Variants in USH2A observed in about 807,000 individuals in gnomAD.
The protein encoded by USH2A is Usher syndrome 2A (autosomal recessive, mild).
In USH2A, 443 loss-of-function variants were observed where a neutral mutation model predicts 538.9. The ratio of observed to expected loss-of-function variants is 0.82; its 90% CI spans 0.76 to 0.89. The LOEUF is 0.89. Ranked by LOEUF, USH2A falls within the 40% of genes least tolerant of loss-of-function variation. USH2A has a pLI of 0.00. For missense variants in USH2A, 6,633 were observed against 6,324.8 expected (o/e 1.05, Z -1.65); for synonymous variants, 2,413 against 2,273.5 (o/e 1.06, Z -1.75).
intron 37 of USH2A, among the ~76,000 whole-genome samples, chr1:215,957,387 T>G (rs561643450): frequency 6.6e-6 from 1 of 152,280 alleles, no homozygotes; most frequent in East Asian, 1.9e-4. Context: ...CTAAAATAAA[T>G]TGTGTGGTTA....
intron 46 of USH2A, among the ~76,000 whole-genome samples, chr1:215,843,278 T>C (rs1041624037): frequency 1.3e-5 from 2 of 152,322 alleles, no homozygotes; most frequent in African/African-American, 4.8e-5. Context: ...ATTTTAGAAG[T>C]AGCATAGTTT....
intron 32 of USH2A, among the ~76,000 whole-genome samples, chr1:216,023,482 A>T (rs1385442056): frequency 7.7e-6 from 1 of 130,048 alleles, no homozygotes; most frequent in Non-Finnish European, 1.6e-5. Flanking sequence ...AAAAAAAAAA[A>T]TCAAAAAACA....
intron 47 of USH2A, among the ~76,000 whole-genome samples, chr1:215,826,664 T>C (rs1663164883): frequency 6.6e-6 from 1 of 152,192 alleles, no homozygotes; most frequent in South Asian, 2.1e-4. Context: ...ACCCATAAGA[T>C]GTTCCTGTGG....
chr1:216,178,107 C>A (rs752636655), intron 20 of USH2A, among the ~76,000 whole-genome samples: 12 of 152,214 alleles, frequency 7.9e-5, no homozygotes, highest in African/African-American at 2.4e-4. Flanking sequence ...ACTTTTTAGA[C>A]CTTCGGCCAG....
intron 32 of USH2A, among the ~76,000 whole-genome samples, chr1:216,028,495 A>G (rs1669021086): frequency 1.3e-5 from 2 of 152,240 alleles, no homozygotes; most frequent in South Asian, 4.1e-4. Context: ...ATCTCAGGAA[A>G]TATTTATCTA....
At chr1:216,374,755 A>G (rs772621872) in intron 3 of USH2A, among the ~76,000 whole-genome samples, 2 of 152,050 alleles carry the variant, frequency 1.3e-5, no homozygotes, top group Non-Finnish European at 2.9e-5. Flanking sequence ...GACAGTATAG[A>G]CCCCATACAG....
intron 30 of USH2A, among the ~76,000 whole-genome samples, chr1:216,057,588 G>A (rs2031021881): frequency 6.6e-6 from 1 of 152,150 alleles, no homozygotes. Flanking sequence ...TTGGGAAGCT[G>A]AGACAGGAGA....
intron 44 of USH2A, among the ~76,000 whole-genome samples, chr1:215,865,502 G>C (rs1038185961): frequency 3.3e-5 from 5 of 152,158 alleles, no homozygotes; most frequent in Admixed American, 6.6e-5. Context: ...TCAGATGAGG[G>C]GGGAGAGCCT....
intron 71 of USH2A, among the ~76,000 whole-genome samples, chr1:215,626,370 G>A (rs1218517293): frequency 6.6e-6 from 1 of 150,948 alleles, no homozygotes; most frequent in African/African-American, 2.4e-5. Context: ...CACCATGTTG[G>A]CCAGTCTGGT....
At chr1:215,891,203 G>C (rs1454909484) in intron 40 of USH2A, among the ~76,000 whole-genome samples, 2 of 152,114 alleles carry the variant, frequency 1.3e-5, no homozygotes, top group African/African-American at 4.8e-5. Flanking sequence ...TCTTATCTTG[G>C]GAAAGGAGAG....
intron 11 of USH2A, among the ~76,000 whole-genome samples, chr1:216,255,023 T>C (rs2036233587): frequency 2.0e-5 from 3 of 152,228 alleles, no homozygotes; most frequent in Admixed American, 6.5e-5. Context: ...AGCTTTCTTT[T>C]ACTAACATGG....
At chr1:216,223,139 A>G (rs1348612633) in intron 14 of USH2A, among the ~76,000 whole-genome samples, 1 of 152,090 alleles carries the variant, frequency 6.6e-6, no homozygotes, top group Non-Finnish European at 1.5e-5. Flanking sequence ...ATAAGATAAT[A>G]AAAATTCATG....
At chr1:216,365,213 C>A in intron 3 of USH2A, 128 bp from the exon 4 acceptor site, 2 of 1,108,410 alleles carry the variant, frequency 1.8e-6, no homozygotes, top group Non-Finnish European at 2.5e-6. Flanking sequence ...AGACTGAAAA[C>A]ATTATTTTAA....
chr1:216,128,912 T>C (rs568428732), intron 21 of USH2A, among the ~76,000 whole-genome samples: 1 of 152,128 alleles, frequency 6.6e-6, no homozygotes, highest in African/African-American at 2.4e-5. Context: ...CCCCTCCCCA[T>C]TTCCTTCCCC....
chr1:216,253,613 C>A (rs968538071), intron 11 of USH2A, among the ~76,000 whole-genome samples: 3 of 152,140 alleles, frequency 2.0e-5, no homozygotes, highest in African/African-American at 7.2e-5. Context: ...GCGTATTGAT[C>A]ATTTCGTAGT....
chr1:215,982,913 G>A (rs1022203743), intron 35 of USH2A, among the ~76,000 whole-genome samples: 1 of 152,004 alleles, frequency 6.6e-6, no homozygotes, highest in African/African-American at 2.4e-5. Flanking sequence ...TACGTAATAG[G>A]GCTTATCTGA....
At chr1:216,139,962 C>A (rs2033569646) in intron 21 of USH2A, among the ~76,000 whole-genome samples, 1 of 152,162 alleles carries the variant, frequency 6.6e-6, no homozygotes, top group South Asian at 2.1e-4. Flanking sequence ...GAGCACTACA[C>A]ACACACAAAA....
chr1:215,803,976 G>A (rs1662417136), intron 49 of USH2A, among the ~76,000 whole-genome samples: 1 of 152,038 alleles, frequency 6.6e-6, no homozygotes, highest in Non-Finnish European at 1.5e-5. Context: ...CAGAAATAAT[G>A]CCACATATCT....
Position 215,844,470 on chromosome 1 carries a change from C to T in USH2A, c.9082G>A (p.Val3028Ile). The stretch of plus-strand genomic sequence containing the variant: ...ACAGCTGTACTGTTGATGATGACAA[C>T]CTCTGGAGGAAGCATGCCCTGAGGC... ...GEPQGMLPPE[V>I]VIINSTAVRV... Residue 3028 changes from valine (V) to isoleucine (I), a missense_variant, in exon 46 of 72, where the codon GTT (valine) becomes ATT (isoleucine). Val to Ile is a conservative substitution (Grantham distance 29). Transcript: ENST00000307340. The T allele has an allele frequency of 6.2e-7, 1 of 1,611,336 alleles. No individual in the cohort carries two copies. Among genetic ancestry groups the T allele is most frequent in the Non-Finnish European group, 8.5e-7 (1 of 1,179,814 alleles).
Sources: gnomAD v4.1 joint callset for allele counts (sites outside exome capture counted in the v4.1 genomes callset) on GRCh38, gnomAD v4.1.1 for gene constraint, MANE v1.5 for transcripts, NCBI Gene and HGNC (gene_info 2026-07-23, HGNC 2026-07-21) for gene names.